USP47: variants seen among roughly 807,000 people sequenced by gnomAD.
The protein encoded by USP47 is ubiquitin carboxyl-terminal hydrolase 47.
In USP47, 35 loss-of-function variants were observed where a neutral mutation model predicts 165.1. The observed-to-expected ratio is 0.21, with a 90% CI of 0.16 to 0.28. The LOEUF (loss-of-function observed/expected upper bound fraction) is 0.28, where lower values mean the gene tolerates loss of function less well. Ranked by LOEUF, USP47 falls within the 10% of genes least tolerant of loss-of-function variation. The pLI, the probability that USP47 is intolerant of heterozygous loss-of-function variation, is 1.00. For missense variants in USP47, 1,277 were observed against 1,607.4 expected (o/e 0.79, Z 3.52); for synonymous variants, 531 against 544.5 (o/e 0.98, Z 0.35).
rs1026064516 is a variant in USP47 at position 11,956,661 on chromosome 11, A to G, written c.*486A>G. 6.5e-6 allele frequency: 1 copy of G among 152,846 alleles called. No homozygotes were observed. Among genetic ancestry groups the G allele is most frequent in the Non-Finnish European group, 1.5e-5 (1 of 68,178 alleles). 9.5% of individuals were successfully genotyped at this position (152,846 alleles called of 1,614,324 possible). On this transcript the variant is annotated 3_prime_UTR_variant, in exon 28 of 28. Coordinates refer to ENST00000527733, the MANE Select transcript of USP47 (RefSeq NM_001282659.2). ...AATCCAACGTGTGTTGACTCTTGGAAAGCAGCAAAAACAGGAGCTGAAGAA... is the reference window on the plus strand; with the variant it reads ...AATCCAACGTGTGTTGACTCTTGGAGAGCAGCAAAAACAGGAGCTGAAGAA...
At chr11:11,939,906 A>G (rs1436123772) in intron 18 of USP47, among the ~76,000 whole-genome samples, 2 of 152,028 alleles carry the variant, frequency 1.3e-5, no homozygotes, top group Non-Finnish European at 2.9e-5. Flanking sequence ...CTTTCATGTC[A>G]ATTTATAAAA....
chr11:11,920,616 T>C (rs1159793113), intron 10 of USP47, 122 bp downstream of exon 10: 2 of 851,670 alleles, frequency 2.3e-6, no homozygotes, highest in East Asian at 6.3e-5. Flanking sequence ...TGGAAACTTT[T>C]TCTTTCTTAT....
Position 11,880,236 on chromosome 11 carries a change from A to G in USP47, c.99A>G (p.Ser33=). 2.7e-6 allele frequency: 4 copies of G among 1,465,278 alleles called. No individual in the cohort carries two copies. Among genetic ancestry groups the G allele is most frequent in the South Asian group, 1.4e-5 (1 of 72,694 alleles). The allele number at this position is 1,465,278 out of a possible 1,614,324, so 90.8% of individuals were successfully genotyped here. The change falls in exon 2 of 28, where the codon TCA becomes TCG. Residue 33 remains serine, a synonymous_variant. Coordinates refer to ENST00000527733, the MANE Select transcript of USP47 (RefSeq NM_001282659.2). ...GTATTATACAAGATACTACTAATTC[A>G]AAGACAGTGAATGAACGGATCACTT... ...VLCIIQDTTN[S]KTVNERITLN... is the part of the protein sequence containing the mutation.
chr11:11,872,890 T>C (rs1850160463), intron 1 of USP47, among the ~76,000 whole-genome samples: 1 of 152,194 alleles, frequency 6.6e-6, no homozygotes, highest in Admixed American at 6.5e-5. Flanking sequence ...AGTTAAATTA[T>C]GGTTTGTCTA....
At chr11:11,898,667 A>G (rs2134423473) in intron 5 of USP47, among the ~76,000 whole-genome samples, 1 of 152,358 alleles carries the variant, frequency 6.6e-6, no homozygotes, top group East Asian at 1.9e-4. Context: ...ATATGTTTGA[A>G]ATAGTTTAAA....
chr11:11,866,051 TG>T (rs1564855871), intron 1 of USP47, among the ~76,000 whole-genome samples: 1 of 152,228 alleles, frequency 6.6e-6, no homozygotes, highest in African/African-American at 2.4e-5. Flanking sequence ...TTTTGCTGCC[TG>T]TGTCTTGGTA....
intron 11 of USP47, among the ~76,000 whole-genome samples, chr11:11,924,818 C>G (rs796601608): frequency 1.7e-4 from 26 of 151,992 alleles, no homozygotes; most frequent in African/African-American, 6.3e-4. Context: ...AACCTTCTTT[C>G]ATTTCGGATA....
chr11:11,865,368 A>T (rs1350449054), intron 1 of USP47, among the ~76,000 whole-genome samples: 1 of 152,046 alleles, frequency 6.6e-6, no homozygotes, highest in Admixed American at 6.6e-5. Flanking sequence ...TTATTGTTCA[A>T]ACTGGGTAAT....
chr11:11,890,947 G>C (rs1325411443), intron 3 of USP47, among the ~76,000 whole-genome samples: 1 of 152,136 alleles, frequency 6.6e-6, no homozygotes, highest in Non-Finnish European at 1.5e-5. Context: ...ACTTATAAGT[G>C]GGAGCTGAAT....
chr11:11,875,763 C>G (rs571062032), intron 1 of USP47, among the ~76,000 whole-genome samples: 30 of 152,268 alleles, frequency 2.0e-4, no homozygotes, highest in African/African-American at 6.7e-4. Context: ...GCCACCACAC[C>G]CAGCAAATTT....
intron 4 of USP47, among the ~76,000 whole-genome samples, chr11:11,895,515 A>G (rs79591299): frequency 0.024 from 3,644 of 152,314 alleles, 52 homozygotes; most frequent in Non-Finnish European, 0.036. Flanking sequence ...AAATGTTCTT[A>G]TTAGAAAATG....
At chr11:11,938,796 G>A (rs1202911139) in intron 18 of USP47, among the ~76,000 whole-genome samples, 2 of 151,952 alleles carry the variant, frequency 1.3e-5, no homozygotes, top group Non-Finnish European at 2.9e-5. Flanking sequence ...AGTCAGGAAT[G>A]GAGAGGAGGA....
At chr11:11,911,575 A>G (rs148390579) in intron 8 of USP47, among the ~76,000 whole-genome samples, 8 of 152,302 alleles carry the variant, frequency 5.3e-5, no homozygotes, top group African/African-American at 7.2e-5. Context: ...CTAAATGTGT[A>G]TGCAGAAAAT....
intron 20 of USP47, among the ~76,000 whole-genome samples, chr11:11,946,164 T>G (rs1020143527): frequency 3.3e-5 from 5 of 152,102 alleles, no homozygotes; most frequent in African/African-American, 1.2e-4. Context: ...TGCTAAACAT[T>G]TTACATGTAT....
At chr11:11,947,650 A>G (rs985328493) in intron 20 of USP47, among the ~76,000 whole-genome samples, 1 of 150,910 alleles carries the variant, frequency 6.6e-6, no homozygotes, top group Non-Finnish European at 1.5e-5. Context: ...GTGTAGAGCT[A>G]GAAGTGTATA....
rs1590478902 is a variant in USP47 at position 11,956,695 on chromosome 11, C to T, written c.*520C>T. On this transcript the variant is annotated 3_prime_UTR_variant, in exon 28 of 28. Coordinates refer to ENST00000527733, the MANE Select transcript of USP47 (RefSeq NM_001282659.2). Reference sequence around the variant, plus strand: ...AAACAGGAGCTGAAGAAAAGAAATTCTTGGAACCAGCCGTAACCCAGTAAG... The same window carrying T: ...AAACAGGAGCTGAAGAAAAGAAATTTTTGGAACCAGCCGTAACCCAGTAAG... The T allele has an allele frequency of 6.5e-6, 1 of 152,794 alleles. No homozygotes were observed. The highest frequency in any genetic ancestry group is 2.1e-4 in the South Asian group (1 of 4,830). The allele number at this position is 152,794 out of a possible 1,614,324, so 9.5% of individuals were successfully genotyped here. A position where few individuals can be genotyped will look rare whatever the true frequency, so the allele number is the denominator to read the frequency against.
chr11:11,953,248 G>C (rs1055619508), intron 25 of USP47, among the ~76,000 whole-genome samples: 1 of 152,148 alleles, frequency 6.6e-6, no homozygotes, highest in African/African-American at 2.4e-5. Flanking sequence ...CCAGATGAAG[G>C]TCTGTTTTGC....
At chr11:11,952,904 T>C (rs1162517126) in intron 25 of USP47, 33 bp downstream of exon 25, 3 of 1,485,850 alleles carry the variant, frequency 2.0e-6, no homozygotes, top group African/African-American at 1.4e-5. Context: ...ATGTATCTTA[T>C]GTTGTATATG....
Position 11,952,864 on chromosome 11 carries a change from G to C in USP47, c.3707G>C (p.Arg1236Pro), listed in dbSNP as rs758682762. ...GAAAGCAGTAGTGTGGACGAATTGC[G>C]AGAGAAGGTAAGTTCATTTTAAACA... is the stretch of plus-strand genomic sequence containing the variant. ...VLESSSVDELREKLSEISGIP... is the reference protein window; with the variant it reads ...VLESSSVDELPEKLSEISGIP... The change falls in exon 25 of 28, where the codon CGA (arginine) becomes CCA (proline). Residue 1236 changes from arginine to proline, a missense_variant. By Grantham distance (103) the Arg-to-Pro change is moderately radical. Around this residue, in one of 4 missense-constraint regions of USP47, gnomAD observed 909 missense variants for 1,068.1 expected, o/e 0.85. Transcript: ENST00000527733. The C allele has an allele frequency of 2.5e-6, 4 of 1,600,258 alleles. No individual in the cohort carries two copies. Among genetic ancestry groups the C allele is most frequent in the Non-Finnish European group, 3.4e-6 (4 of 1,172,908 alleles).
Sources: allele counts gnomAD v4.1 joint callset (sites outside exome capture counted in the v4.1 genomes callset), GRCh38; gene constraint gnomAD v4.1.1; regional missense constraint gnomAD v4.1.1; transcripts MANE v1.5; gene names NCBI Gene and HGNC (gene_info 2026-07-23, HGNC 2026-07-21).